Variants in NFATC3 observed in about 807,000 individuals in gnomAD.
NFATC3 encodes nuclear factor of activated T-cells, cytoplasmic 3.
NFATC3 carries 46 observed loss-of-function variants against 98.6 expected under a neutral mutation model. That is an observed-to-expected ratio of 0.47 (90% CI 0.37 to 0.60). The LOEUF is 0.60. Among genes scored for constraint, NFATC3 ranks in the 20% least tolerant of loss-of-function variants. The pLI, the probability that NFATC3 is intolerant of heterozygous loss-of-function variation, is 0.00. For synonymous variants in NFATC3, 512 were observed against 472.2 expected, an observed-to-expected ratio of 1.08 and a Z score of -1.09; for missense variants, 1,256 against 1,295.5, an observed-to-expected ratio of 0.97 and a Z score of 0.47.
chr16:68,138,820 T>C, intron 3 of NFATC3: 5 of 1,224,916 alleles, frequency 4.1e-6, no homozygotes, highest in Non-Finnish European at 5.2e-6. Flanking sequence ...TGCCACATGC[T>C]CCACACAGGA....
chr16:68,143,576 C>T (rs931435018), intron 3 of NFATC3, among the ~76,000 whole-genome samples: 7 of 152,028 alleles, frequency 4.6e-5, no homozygotes, highest in East Asian at 1.9e-4. Context: ...AGGTCAGGAG[C>T]GGTGGCTCAC....
intron 1 of NFATC3, among the ~76,000 whole-genome samples, chr16:68,115,361 C>T (rs943053050): frequency 3.3e-5 from 5 of 152,074 alleles, no homozygotes; most frequent in Admixed American, 2.0e-4. Context: ...TGCACCCGGC[C>T]CCAGTAAATG....
chr16:68,186,784 T>C (rs528718424), intron 8 of NFATC3, among the ~76,000 whole-genome samples: 53 of 123,074 alleles, frequency 4.3e-4, no homozygotes, highest in African/African-American at 1.3e-3. Context: ...ATCTCTGTTA[T>C]GTTAGTGTTA....
intron 1 of NFATC3, among the ~76,000 whole-genome samples, chr16:68,120,476 G>A (rs1478840009): frequency 2.0e-5 from 3 of 151,482 alleles, no homozygotes; most frequent in Non-Finnish European, 4.4e-5. Flanking sequence ...CTACTTGGGA[G>A]GCTGAGGCTT....
At chr16:68,125,420 A>G (rs2036782848) in intron 2 of NFATC3, among the ~76,000 whole-genome samples, 1 of 152,242 alleles carries the variant, frequency 6.6e-6, no homozygotes, top group African/African-American at 2.4e-5. Flanking sequence ...CTGATAAAGT[A>G]AAAAAGTAAC....
chr16:68,217,606 T>A, intron 9 of NFATC3: 1 of 1,222,706 alleles, frequency 8.2e-7, no homozygotes, highest in Non-Finnish European at 1.0e-6. Flanking sequence ...TAAGTGAGTA[T>A]AATGGAGATC....
At chr16:68,138,430 T>A in intron 3 of NFATC3, 1 of 1,033,330 alleles carries the variant, frequency 9.7e-7, no homozygotes, top group Non-Finnish European at 1.3e-6. Context: ...CTGTAACTAA[T>A]AATCCCCAAT....
Position 68,174,429 on chromosome 16 carries a change from T to G in NFATC3, c.1830T>G (p.Cys610Trp). The change falls in exon 6 of 10, where the codon TGT becomes TGG. Residue 610 changes from cysteine (C) to tryptophan (W), a missense_variant. By Grantham distance (215) the Cys-to-Trp change is radical (BLOSUM62 -2). Around this residue, in one of 3 missense-constraint regions of NFATC3, gnomAD observed 636 missense variants for 617.3 expected, o/e 1.03. Coordinates refer to ENST00000346183, the MANE Select transcript of NFATC3 (RefSeq NM_173165.3). ...TTGAGAAGTACAGTATCAACAGTTG[T>G]TCTGTAAATGGAGGTCATGAAATGG... ...PHIEKYSINS[C>W]SVNGGHEMVV... The G allele has an allele frequency of 6.2e-7, 1 of 1,605,322 alleles. No individual in the cohort carries two copies. Among genetic ancestry groups the G allele is most frequent in the Non-Finnish European group, 8.5e-7 (1 of 1,175,800 alleles).
chr16:68,138,561 A>T, intron 3 of NFATC3: 4 of 1,289,140 alleles, frequency 3.1e-6, no homozygotes, highest in Non-Finnish European at 4.0e-6. Context: ...CACAGCTTCT[A>T]CTGTCCATGG....
At chr16:68,157,048 G>A (rs2038653983) in intron 3 of NFATC3, among the ~76,000 whole-genome samples, 1 of 151,972 alleles carries the variant, frequency 6.6e-6, no homozygotes, top group African/African-American at 2.4e-5. Context: ...AAGACTGAAA[G>A]GTTTCCCTCT....
chr16:68,214,620 C>G (rs1230938805), intron 9 of NFATC3, among the ~76,000 whole-genome samples: 6 of 152,170 alleles, frequency 3.9e-5, no homozygotes, highest in Non-Finnish European at 8.8e-5. Flanking sequence ...CACTCAGGCT[C>G]TTACACTTGT....
intron 1 of NFATC3, among the ~76,000 whole-genome samples, chr16:68,114,609 T>C (rs374547885): frequency 1.3e-4 from 20 of 150,164 alleles, no homozygotes; most frequent in East Asian, 9.8e-4. Context: ...GGAGTCTTGC[T>C]TTGTTGCCAG....
chr16:68,115,507 C>G (rs1400768347), intron 1 of NFATC3, among the ~76,000 whole-genome samples: 1 of 152,048 alleles, frequency 6.6e-6, no homozygotes, highest in Non-Finnish European at 1.5e-5. Context: ...TTACTGCGAC[C>G]TCCGCCTCCC....
intron 1 of NFATC3, among the ~76,000 whole-genome samples, chr16:68,119,718 A>C (rs1361878335): frequency 1.3e-5 from 2 of 152,140 alleles, no homozygotes; most frequent in African/African-American, 4.8e-5. Flanking sequence ...TGCCTCCTCT[A>C]TATTTTTTCC....
At chr16:68,207,443 G>A (rs144989745) in intron 9 of NFATC3, among the ~76,000 whole-genome samples, 1 of 152,198 alleles carries the variant, frequency 6.6e-6, no homozygotes, top group East Asian at 1.9e-4. Context: ...GAGTGGAATT[G>A]CTGGGTCCTA....
chr16:68,221,432 T>G (rs900178888), intron 9 of NFATC3: 22 of 1,411,284 alleles, frequency 1.6e-5, no homozygotes, highest in African/African-American at 2.9e-5. Context: ...AGCCTAAAAT[T>G]TATATTCAGT....
At chr16:68,175,165 G>A (rs2039633390) in intron 6 of NFATC3, among the ~76,000 whole-genome samples, 1 of 152,214 alleles carries the variant, frequency 6.6e-6, no homozygotes, top group African/African-American at 2.4e-5. Context: ...AAGGAAGCCA[G>A]CATAAAAGGA....
rs762987618 is a variant in NFATC3, at chr16:68,166,957, C to T, written c.1716C>T (p.Ile572=). The T allele has an allele frequency of 1.2e-5, 20 of 1,614,012 alleles. No homozygotes were observed. Among genetic ancestry groups the T allele is most frequent in the Non-Finnish European group, 1.3e-5 (15 of 1,180,010 alleles). ...TACGACTTGTGTTTCGTGTACACAT[C>T]CCACAGCCCAGTGGAAAAGTCCTTT... ...TRVRLVFRVH[I]PQPSGKVLSL... Residue 572 remains isoleucine, a synonymous_variant, in exon 5 of 10, where the codon ATC becomes ATT. Transcript: ENST00000346183.
chr16:68,167,387 C>A (rs558787450), intron 5 of NFATC3, among the ~76,000 whole-genome samples: 58 of 152,296 alleles, frequency 3.8e-4, no homozygotes, highest in African/African-American at 1.4e-3. Context: ...TGTCAGCCTT[C>A]ATGCTAGGAG....
Sources: allele counts gnomAD v4.1 joint callset (sites outside exome capture counted in the v4.1 genomes callset), GRCh38; gene constraint gnomAD v4.1.1; regional missense constraint gnomAD v4.1.1; transcripts MANE v1.5; gene names NCBI Gene and HGNC (gene_info 2026-07-23, HGNC 2026-07-21).